DNAJC11: variants seen among roughly 807,000 people sequenced by gnomAD.
DNAJC11 encodes the protein DnaJ heat shock protein family (Hsp40) member C11.
In DNAJC11, 15 loss-of-function variants were observed where a neutral mutation model predicts 78.6. That is an observed-to-expected ratio of 0.19 (90% CI 0.13 to 0.29). DNAJC11 has a LOEUF of 0.29. Ranked by LOEUF, DNAJC11 falls within the 10% of genes least tolerant of loss-of-function variation. The pLI is 1.00. For missense variants in DNAJC11, 547 were observed against 709.6 expected, an observed-to-expected ratio of 0.77 and a Z score of 2.60; for synonymous variants, 292 against 272.1, an observed-to-expected ratio of 1.07 and a Z score of -0.72.
intron 1 of DNAJC11, among the ~76,000 whole-genome samples, chr1:6,681,832 G>A (rs949702977): frequency 5.9e-5 from 9 of 152,124 alleles, no homozygotes; most frequent in South Asian, 4.1e-4. Flanking sequence ...GGCTGGCCCC[G>A]CAGGTCTGCT....
chr1:6,682,654 G>A (rs1219120791), intron 1 of DNAJC11, among the ~76,000 whole-genome samples: 1 of 152,188 alleles, frequency 6.6e-6, no homozygotes, highest in Non-Finnish European at 1.5e-5. Flanking sequence ...AAGGCTGGAC[G>A]CAATGGTTGA....
intron 1 of DNAJC11, among the ~76,000 whole-genome samples, chr1:6,692,458 C>A (rs1455704523): frequency 6.6e-6 from 1 of 151,746 alleles, no homozygotes; most frequent in Non-Finnish European, 1.5e-5. Context: ...TATCCTTGAG[C>A]CTGCACCCTA....
chr1:6,697,310 C>A (rs988886294), intron 1 of DNAJC11, among the ~76,000 whole-genome samples: 1 of 152,206 alleles, frequency 6.6e-6, no homozygotes, highest in Non-Finnish European at 1.5e-5. Context: ...CTCTCTCCAA[C>A]GGCGGCAACA....
intron 1 of DNAJC11, among the ~76,000 whole-genome samples, chr1:6,699,846 T>C (rs1570322206): frequency 6.6e-6 from 1 of 152,138 alleles, no homozygotes; most frequent in African/African-American, 2.4e-5. Flanking sequence ...CCTAACAAAA[T>C]CTGCAATTCC....
Position 6,634,290 on chromosome 1 carries a change from G to C in DNAJC11, c.*1385C>G, listed in dbSNP as rs988740881. The stretch of plus-strand genomic sequence containing the variant: ...GGCGCACGGGAAGCCCGGGGCCCAG[G>C]CTCATGCAACACGACGCTCACCGCG... On this transcript the variant is annotated 3_prime_UTR_variant, in exon 16 of 16. Transcript: ENST00000377577. The C allele has an allele frequency of 1.1e-6, 1 of 892,940 alleles. No homozygotes were observed. Among genetic ancestry groups the C allele is most frequent in the African/African-American group, 1.7e-5 (1 of 59,302 alleles). 55.3% of individuals were successfully genotyped at this position (892,940 alleles called of 1,614,324 possible). A position where few individuals can be genotyped will look rare whatever the true frequency, so the allele number is the denominator to read the frequency against.
At chr1:6,652,731 G>T in intron 6 of DNAJC11, 98 bp downstream of exon 6, 1 of 1,536,082 alleles carries the variant, frequency 6.5e-7, no homozygotes, top group Non-Finnish European at 8.8e-7. Flanking sequence ...ACAACAACGG[G>T]GCCCCCAGGG....
intron 3 of DNAJC11, among the ~76,000 whole-genome samples, chr1:6,672,278 T>C (rs1347169847): frequency 6.6e-6 from 1 of 152,218 alleles, no homozygotes; most frequent in Admixed American, 6.5e-5. Context: ...TACTATTTTT[T>C]TCAGAAACAG....
At chr1:6,642,561 T>C (rs1234352980) in intron 10 of DNAJC11, among the ~76,000 whole-genome samples, 1 of 152,046 alleles carries the variant, frequency 6.6e-6, no homozygotes, top group Non-Finnish European at 1.5e-5. Context: ...GAAAGGAGGC[T>C]GGGCGCTGTG....
At chr1:6,640,923 G>A (rs186187231) in intron 10 of DNAJC11, among the ~76,000 whole-genome samples, 5 of 152,236 alleles carry the variant, frequency 3.3e-5, no homozygotes, top group Admixed American at 3.3e-4. Context: ...AAGAAGTTTA[G>A]GAAACCCCAA....
intron 4 of DNAJC11, among the ~76,000 whole-genome samples, chr1:6,664,768 G>A (rs1367079723): frequency 6.6e-6 from 1 of 152,084 alleles, no homozygotes; most frequent in Admixed American, 6.6e-5. Flanking sequence ...CAGGACAGAC[G>A]TCCTCATTTT....
intron 1 of DNAJC11, among the ~76,000 whole-genome samples, chr1:6,690,134 G>C (rs556000587): frequency 6.6e-6 from 1 of 152,300 alleles, no homozygotes; most frequent in African/African-American, 2.4e-5. Context: ...CTAATAATGT[G>C]TAGCCTAACT....
intron 4 of DNAJC11, among the ~76,000 whole-genome samples, chr1:6,663,441 G>GTATTA (rs1285349166): frequency 6.6e-6 from 1 of 152,156 alleles, no homozygotes; most frequent in Non-Finnish European, 1.5e-5. Context: ...TCCACAGAGG[G>GTATTA]AGAAGATTTA....
intron 4 of DNAJC11, among the ~76,000 whole-genome samples, chr1:6,658,371 T>C (rs1642162124): frequency 6.6e-6 from 1 of 152,166 alleles, no homozygotes; most frequent in African/African-American, 2.4e-5. Context: ...GTAATCCTGG[T>C]ATATGATCTG....
intron 4 of DNAJC11, among the ~76,000 whole-genome samples, chr1:6,662,507 T>TG (rs1183854488): frequency 1.5e-4 from 23 of 152,120 alleles, no homozygotes; most frequent in Admixed American, 1.5e-3. Context: ...GGTGGGGACT[T>TG]GGAGAACTTT....
intron 10 of DNAJC11, among the ~76,000 whole-genome samples, chr1:6,642,135 G>T (rs2148728541): frequency 1.3e-5 from 2 of 152,278 alleles, no homozygotes; most frequent in Middle Eastern, 6.8e-3. Context: ...TAGCTCCAGG[G>T]GGTCAGGATG....
intron 1 of DNAJC11, among the ~76,000 whole-genome samples, chr1:6,688,885 A>T (rs1030885034): frequency 6.6e-6 from 1 of 152,210 alleles, no homozygotes; most frequent in African/African-American, 2.4e-5. Context: ...TGTATTCAGC[A>T]AACATTTGTT....
chr1:6,701,031 C>G (rs913658029), intron 1 of DNAJC11, among the ~76,000 whole-genome samples: 3 of 152,164 alleles, frequency 2.0e-5, no homozygotes, highest in African/African-American at 4.8e-5. Context: ...GTTGAGGAGA[C>G]AGGGTACAAG....
At chr1:6,643,564 A>T (rs561803269) in intron 10 of DNAJC11, among the ~76,000 whole-genome samples, 5 of 152,186 alleles carry the variant, frequency 3.3e-5, no homozygotes, top group African/African-American at 4.8e-5. Context: ...TGTGAGCCAC[A>T]GTGCCCGGCC....
intron 4 of DNAJC11, among the ~76,000 whole-genome samples, chr1:6,660,484 C>T (rs1381568501): frequency 6.8e-6 from 1 of 146,146 alleles, no homozygotes; most frequent in Non-Finnish European, 1.5e-5. Context: ...ATTGCATTTA[C>T]TGCAGCTTCT....
Sources: allele counts gnomAD v4.1 joint callset (sites outside exome capture counted in the v4.1 genomes callset), GRCh38; gene constraint gnomAD v4.1.1; transcripts MANE v1.5; gene names NCBI Gene and HGNC (gene_info 2026-07-23, HGNC 2026-07-21).